TTC7B: variants seen among roughly 807,000 people sequenced by gnomAD.
The protein encoded by TTC7B is tetratricopeptide repeat protein 7B.
Under a neutral mutation model 106.8 loss-of-function variants are expected in TTC7B, and 28 were observed. That is an observed-to-expected ratio of 0.26 (90% confidence interval 0.19 to 0.36). The LOEUF is 0.36. Ranked by LOEUF, TTC7B falls within the 10% of genes least tolerant of loss-of-function variation. The probability of loss-of-function intolerance (pLI) is 1.00; values close to 1 mark genes in which losing one functional copy is unlikely to be tolerated. For missense variants in TTC7B, 862 were observed against 1,076.4 expected (o/e 0.80, Z 2.79); for synonymous variants, 405 against 430.6 (o/e 0.94, Z 0.74).
chr14:90,659,140 C>T (rs1886077714), intron 9 of TTC7B, among the ~76,000 whole-genome samples: 2 of 152,114 alleles, frequency 1.3e-5, no homozygotes, highest in African/African-American at 2.4e-5. Flanking sequence ...ACAGGAGGTG[C>T]CCAGAGTTTC....
At chr14:90,786,125 C>A in intron 2 of TTC7B, 49 bp downstream of exon 2, 1 of 1,499,100 alleles carries the variant, frequency 6.7e-7, no homozygotes, top group Non-Finnish European at 8.9e-7. Flanking sequence ...CCTTCTCAAC[C>A]CCACACTGTC....
At chr14:90,760,101 ATGGAGAGATTGGTGTGGACAAACGGGGC>A (rs1890449309) in intron 3 of TTC7B, among the ~76,000 whole-genome samples, 1 of 152,230 alleles carries the variant, frequency 6.6e-6, no homozygotes, top group African/African-American at 2.4e-5. Context: ...GAATCAGAGG[ATGGAGAGATTGGTGTGGACAAACGGGGC>A]TGGAGAGGTC....
At chr14:90,557,400 G>T (rs1470932999) in intron 19 of TTC7B, among the ~76,000 whole-genome samples, 1 of 152,228 alleles carries the variant, frequency 6.6e-6, no homozygotes, top group Non-Finnish European at 1.5e-5. Flanking sequence ...CAGCCTCAGT[G>T]TTCTAATCAA....
chr14:90,546,629 C>T (rs1357522960), intron 19 of TTC7B, among the ~76,000 whole-genome samples: 3 of 152,336 alleles, frequency 2.0e-5, no homozygotes, highest in East Asian at 3.9e-4. Flanking sequence ...CAACCAGCAG[C>T]GCTGCCCAGC....
chr14:90,680,388 G>A, intron 8 of TTC7B, 84 bp downstream of exon 8: 1 of 1,025,444 alleles, frequency 9.8e-7, no homozygotes, highest in South Asian at 1.4e-5. Flanking sequence ...AAGAAAAAGA[G>A]TCATGATACT....
intron 9 of TTC7B, among the ~76,000 whole-genome samples, chr14:90,673,610 G>A (rs1333924733): frequency 6.6e-6 from 1 of 152,142 alleles, no homozygotes; most frequent in Non-Finnish European, 1.5e-5. Context: ...GGAGCTCAGA[G>A]AAAGGTAATA....
In TTC7B at chr14:90,744,821, C is replaced by G; in HGVS notation, c.547G>C (p.Ala183Pro). Residue 183 changes from alanine (A) to proline (P), a missense_variant, in exon 4 of 20, where the codon GCA becomes CCA. Transcript: ENST00000328459. ...TCTATCTCTTGGAGATACAGGAGTG[C>G]GATGTCCCCTGCTTTCTCATAACAG... Reference protein sequence around the residue: ...ITCYEKAGDIALLYLQEIERV... With the variant: ...ITCYEKAGDIPLLYLQEIERV... The G allele has an allele frequency of 6.2e-7, 1 of 1,613,958 alleles. No homozygotes were observed.
At chr14:90,714,023 T>A (rs1888549452) in intron 5 of TTC7B, among the ~76,000 whole-genome samples, 1 of 151,762 alleles carries the variant, frequency 6.6e-6, no homozygotes, top group Admixed American at 6.6e-5. Context: ...AGGTCGGGAG[T>A]TCGAGACCAG....
intron 9 of TTC7B, among the ~76,000 whole-genome samples, chr14:90,670,512 A>G (rs1341554470): frequency 6.6e-6 from 1 of 152,188 alleles, no homozygotes; most frequent in Non-Finnish European, 1.5e-5. Context: ...TATTAAAAAA[A>G]AATTTTAAAC....
chr14:90,798,709 C>CAAAA lies in TTC7B; in HGVS notation c.122-12385_122-12382dup, dbSNP rs36223089. On this transcript the variant is annotated intron_variant, in intron 1 of 19. Transcript: ENST00000328459. Reference sequence around the variant, plus strand: ...TGGGCGACAGAGTGAGACTCCATCTCAAAAAAAAAAAAAAAAAAAAAAACA... The same window carrying CAAAA: ...TGGGCGACAGAGTGAGACTCCATCTCAAAAAAAAAAAAAAAAAAAAAAAAAAACA... Among the ~76,000 whole-genome samples, 285 of 52,260 alleles carry CAAAA rather than the reference C, an allele frequency of 5.5e-3. 29 individuals are homozygous for CAAAA. The highest frequency in any genetic ancestry group is 0.017 in the Middle Eastern group (1 of 58). 34.3% of individuals were successfully genotyped at this position (52,260 alleles called of 152,430 possible).
At chr14:90,813,313 T>C (rs979453829) in intron 1 of TTC7B, among the ~76,000 whole-genome samples, 2 of 152,194 alleles carry the variant, frequency 1.3e-5, no homozygotes, top group Non-Finnish European at 2.9e-5. Context: ...ATGATTATAT[T>C]GATTATCTGT....
Position 90,537,377 on chromosome 14 carries a change from G to GGGT in TTC7B, c.*3990_*3991insACC, listed in dbSNP as rs1889444607. On this transcript the variant is annotated 3_prime_UTR_variant, in exon 20 of 20. Coordinates refer to ENST00000328459, the MANE Select transcript of TTC7B (RefSeq NM_001010854.2). The stretch of plus-strand genomic sequence containing the variant: ...ATTTTTTTTTTTTTGTAGAGATGGG[G>GGGT]GGGGGGTCTCACCATGTTGCCCAGG... 6.9e-6 allele frequency: 1 copy of GGGT among 144,280 alleles called. No homozygotes were observed. The highest frequency in any genetic ancestry group is 2.6e-5 in the African/African-American group (1 of 38,936). 8.9% of individuals were successfully genotyped at this position (144,280 alleles called of 1,614,324 possible).
At chr14:90,672,275 C>A (rs536735515) in intron 9 of TTC7B, among the ~76,000 whole-genome samples, 1 of 152,176 alleles carries the variant, frequency 6.6e-6, no homozygotes, top group Non-Finnish European at 1.5e-5. Flanking sequence ...AAGCTTCCAC[C>A]CATGTAAAAG....
rs1379760009 is a variant in TTC7B, at chr14:90,608,183, A to T, written c.1966+2559T>A. Among the ~76,000 whole-genome samples, 1 of 152,198 alleles carries T rather than the reference A, an allele frequency of 6.6e-6. No homozygotes were observed. Among genetic ancestry groups the T allele is most frequent in the Non-Finnish European group, 1.5e-5 (1 of 68,026 alleles). ...CATATGCAACTGGGCTTTATTAATC[A>T]AGATGGAGGCATTTTTCCCCATTTT... is the stretch of plus-strand genomic sequence containing the variant. On this transcript the variant is annotated intron_variant, in intron 17 of 19. Coordinates refer to ENST00000328459, the MANE Select transcript of TTC7B (RefSeq NM_001010854.2). This position sits in a 1 kb window ranked among gnomAD's most constrained non-coding sequence, Gnocchi z 5.1.
rs986400892 is a variant in TTC7B at position 90,680,015 on chromosome 14, T to G, written c.1014+457A>C. On this transcript the variant is annotated intron_variant, in intron 8 of 19. Coordinates refer to ENST00000328459, the MANE Select transcript of TTC7B (RefSeq NM_001010854.2). ...GATGAGAGTTTCATCAAGCTCCTGC[T>G]GTGAAGACCAGAGCTTTATAGATCC... is the stretch of plus-strand genomic sequence containing the variant. Among the ~76,000 whole-genome samples, 16 of 152,344 alleles carry G rather than the reference T, an allele frequency of 1.1e-4. No individual in the cohort carries two copies. The South Asian group carries it at 1.4e-3, about 14-fold the overall frequency.
intron 4 of TTC7B, among the ~76,000 whole-genome samples, chr14:90,740,214 G>A (rs1384410736): frequency 1.3e-5 from 2 of 152,156 alleles, no homozygotes; most frequent in Admixed American, 6.5e-5. Flanking sequence ...CTAGAGGGCA[G>A]AGGAACACCT....
rs1889148721 is a variant in TTC7B, at chr14:90,526,244, C to T, written c.*15124G>A. 5 of 152,254 alleles carry T rather than the reference C, an allele frequency of 3.3e-5. No homozygotes were observed. The South Asian group carries it at 1.0e-3, about 32-fold the overall frequency. The allele number at this position is 152,254 out of a possible 1,614,324, so 9.4% of individuals were successfully genotyped here. On this transcript the variant is annotated 3_prime_UTR_variant, in exon 20 of 20. Transcript: ENST00000328459. The stretch of plus-strand genomic sequence containing the variant: ...TCCTAGTGGGTGTAAGGTGGTATCT[C>T]TTGGAGTTTTGACTTGCATTTCCCT...
intron 3 of TTC7B, among the ~76,000 whole-genome samples, chr14:90,765,466 A>G (rs1890644658): frequency 6.6e-6 from 1 of 152,234 alleles, no homozygotes; most frequent in Non-Finnish European, 1.5e-5. Context: ...TGTATGGTAT[A>G]TGAGTTATAT....
chr14:90,549,038 G>A (rs1307084961), intron 19 of TTC7B, among the ~76,000 whole-genome samples: 1 of 150,838 alleles, frequency 6.6e-6, no homozygotes, highest in Admixed American at 6.6e-5. Context: ...TGAGGCAGGA[G>A]AATGGTGTGA....
Sources: gnomAD v4.1 joint callset for allele counts (sites outside exome capture counted in the v4.1 genomes callset) on GRCh38, gnomAD v4.1.1 for gene constraint, Gnocchi (gnomAD v3.1) non-coding constraint, MANE v1.5 for transcripts, NCBI Gene and HGNC (gene_info 2026-07-23, HGNC 2026-07-21) for gene names.